The following TBC1D9 variants were observed in gnomAD, a reference collection of about 807,000 sequenced individuals.
TBC1D9 encodes TBC1 domain family member 9.
Under a neutral mutation model 132.0 loss-of-function variants are expected in TBC1D9, and 63 were observed. The ratio of observed to expected loss-of-function variants is 0.48; its 90% CI spans 0.39 to 0.59. The LOEUF (loss-of-function observed/expected upper bound fraction) is 0.59. Among genes scored for constraint, TBC1D9 ranks in the 20% least tolerant of loss-of-function variants. The probability of loss-of-function intolerance (pLI) is 0.00; values close to 1 mark genes in which losing one functional copy is unlikely to be tolerated. For synonymous variants in TBC1D9, 610 were observed against 609.9 expected, an observed-to-expected ratio of 1.00 and a Z score of 0.00; for missense variants, 1,261 against 1,592.7, an observed-to-expected ratio of 0.79 and a Z score of 3.54.
At chr4:140,685,622 C>A (rs1217277707) in intron 3 of TBC1D9, among the ~76,000 whole-genome samples, 1 of 152,014 alleles carries the variant, frequency 6.6e-6, no homozygotes. Context: ...CTATAAAGGG[C>A]ATTAAGTCGG....
In TBC1D9 at chr4:140,687,321, A is replaced by G. The variant is rs868234233; in HGVS notation, c.242-859T>C. ...ATATATATGTGTGCCATATATATAT[A>G]TGTGTGTGTGTGTGTGTGTGTCATA... On this transcript the variant is annotated intron_variant, in intron 2 of 20. Transcript: ENST00000442267. 5.3e-3 allele frequency among the ~76,000 whole-genome samples: 515 copies of G among 97,430 alleles called. 11 individuals are homozygous for G. Among genetic ancestry groups the G allele is most frequent in the African/African-American group, 9.7e-3 (256 of 26,364 alleles). The allele number at this position is 97,430 out of a possible 152,430, so 63.9% of individuals were successfully genotyped here.
At position 140,622,574 on chromosome 4, in the gene TBC1D9, C is replaced by T. The variant is rs1321417368; in HGVS notation, c.3422G>A (p.Arg1141Gln). ...CATGGAGGAGCAGGCCCCGTTGTCCCGGGGCGAGGAGTCCTCCAGCTTGAT... is the reference window on the plus strand; with the variant it reads ...CATGGAGGAGCAGGCCCCGTTGTCCTGGGGCGAGGAGTCCTCCAGCTTGAT... ...EDIKLEDSSPRDNGACSSMLI... is the reference protein window; with the variant it reads ...EDIKLEDSSPQDNGACSSMLI... Residue 1141 changes from arginine (R) to glutamine (Q), a missense_variant, in exon 21 of 21, where the codon CGG becomes CAG. Around this residue, in one of 3 missense-constraint regions of TBC1D9, gnomAD observed 618 missense variants for 724.4 expected, o/e 0.85. Transcript: ENST00000442267. 8 of 1,613,880 alleles carry T rather than the reference C, an allele frequency of 5.0e-6. No homozygotes were observed. The highest frequency in any genetic ancestry group is 4.5e-5 in the East Asian group (2 of 44,894).
Position 140,755,947 on chromosome 4 carries a change from G to A in TBC1D9, c.99C>T (p.Ala33=), listed in dbSNP as rs1370776240. 1.3e-6 allele frequency: 2 copies of A among 1,593,036 alleles called. No homozygotes were observed. The highest frequency in any genetic ancestry group is 2.3e-5 in the East Asian group (1 of 43,644). Residue 33 remains alanine, a synonymous_variant, in exon 1 of 21, where the codon GCC becomes GCT. Transcript: ENST00000442267. ...GTCCGCCGCCGCCGCCTCCATCGCC[G>A]GCGTGGCCCTTCCTCCGCTGCAGGA... ...YFILQRRKGH[A]GDGGGGGGLA...
intron 1 of TBC1D9, among the ~76,000 whole-genome samples, chr4:140,711,349 T>C (rs539841494): frequency 3.9e-4 from 59 of 152,304 alleles, no homozygotes; most frequent in African/African-American, 1.3e-3. Context: ...GGGGCCTTTT[T>C]GGTGTGGTAG....
At chr4:140,640,739 A>G (rs938805316) in intron 13 of TBC1D9, among the ~76,000 whole-genome samples, 3 of 152,120 alleles carry the variant, frequency 2.0e-5, no homozygotes, top group African/African-American at 4.8e-5. Context: ...GTTGGTAAAG[A>G]TATAGTGCAA....
At chr4:140,747,438 G>T (rs187657596) in intron 1 of TBC1D9, among the ~76,000 whole-genome samples, 5 of 152,102 alleles carry the variant, frequency 3.3e-5, no homozygotes, top group Admixed American at 2.6e-4. Flanking sequence ...TCTCTTTAAG[G>T]CCTTAGTTTC....
At chr4:140,720,122 G>C (rs979523703) in intron 1 of TBC1D9, among the ~76,000 whole-genome samples, 3 of 152,192 alleles carry the variant, frequency 2.0e-5, no homozygotes, top group Admixed American at 1.3e-4. Context: ...TACCGATTGC[G>C]GTGGCTGAAG....
intron 1 of TBC1D9, among the ~76,000 whole-genome samples, chr4:140,745,211 G>A (rs2111082023): frequency 6.6e-6 from 1 of 152,278 alleles, no homozygotes; most frequent in Admixed American, 6.5e-5. Context: ...CATGTTCTCA[G>A]GACCTCTTGA....
Position 140,656,558 on chromosome 4 carries a change from C to T in TBC1D9, c.2337+539G>A, listed in dbSNP as rs973919207. ...GTACTGCACAAAGCCCTCTCCAGCACACAGCACAAGAACCATCCTATAAAA... is the reference window on the plus strand; with the variant it reads ...GTACTGCACAAAGCCCTCTCCAGCATACAGCACAAGAACCATCCTATAAAA... On this transcript the variant is annotated intron_variant, in intron 13 of 20. Coordinates refer to ENST00000442267, the MANE Select transcript of TBC1D9 (RefSeq NM_015130.3). Among the ~76,000 whole-genome samples the T allele has an allele frequency of 3.3e-5, 5 of 152,162 alleles. No homozygotes were observed. The East Asian group carries it at 7.7e-4, about 23-fold the overall frequency.
chr4:140,731,988 C>T (rs1316618447), intron 1 of TBC1D9, among the ~76,000 whole-genome samples: 1 of 152,096 alleles, frequency 6.6e-6, no homozygotes, highest in Admixed American at 6.6e-5. Context: ...CCCAGCCCTG[C>T]GTGGAAGCCT....
At chr4:140,660,954 G>A (rs146785395) in intron 10 of TBC1D9, among the ~76,000 whole-genome samples, 1,684 of 151,190 alleles carry the variant, frequency 0.011, 27 homozygotes, top group African/African-American at 0.032. Flanking sequence ...TTGCTCTGTC[G>A]CCCAGGCTGG....
Position 140,657,663 on chromosome 4 carries a change from C to T in TBC1D9, c.2071G>A (p.Ala691Thr). The T allele has an allele frequency of 6.2e-7, 1 of 1,613,974 alleles. No homozygotes were observed. Among genetic ancestry groups the T allele is most frequent in the East Asian group, 2.2e-5 (1 of 44,888 alleles). Residue 691 changes from alanine to threonine, a missense_variant, in exon 12 of 21, where the codon GCA becomes ACA. Physicochemically the swap from Ala to Thr is moderately conservative, Grantham distance 58. Transcript: ENST00000442267. ...AAGAAACAGTCAACAACCACAACTG[C>T]ACTCTCAAAAGGCATCACACTGAGA... ...LFLSVMPFES[A>T]VVVVDCFFYE...
At chr4:140,731,256 GAAGAGA>G (rs1311859702) in intron 1 of TBC1D9, among the ~76,000 whole-genome samples, 1 of 152,166 alleles carries the variant, frequency 6.6e-6, no homozygotes, top group East Asian at 1.9e-4. Flanking sequence ...TGTTGGTCAA[GAAGAGA>G]GCATGTGTAA....
chr4:140,642,049 G>T (rs937788927), intron 13 of TBC1D9: 3 of 676,200 alleles, frequency 4.4e-6, no homozygotes, highest in Non-Finnish European at 8.1e-6. Context: ...CCTGCTGGTG[G>T]CTGGCTTAGG....
chr4:140,703,217 C>G lies in TBC1D9; in HGVS notation c.131-1603G>C, dbSNP rs548301779. ...TTGCAACTGTTGATACTGAAAGCAGCAAAGCTCAGTGCCATATTGCAGGCT... is the reference window on the plus strand; with the variant it reads ...TTGCAACTGTTGATACTGAAAGCAGGAAAGCTCAGTGCCATATTGCAGGCT... On this transcript the variant is annotated intron_variant, in intron 1 of 20. Transcript: ENST00000442267. Among the ~76,000 whole-genome samples the G allele has an allele frequency of 1.7e-4, 26 of 152,328 alleles. No homozygotes were observed. The South Asian group carries it at 3.7e-3, about 22-fold the overall frequency.
At chr4:140,692,059 A>T (rs911961165) in intron 2 of TBC1D9, among the ~76,000 whole-genome samples, 2 of 152,216 alleles carry the variant, frequency 1.3e-5, no homozygotes, top group African/African-American at 4.8e-5. Flanking sequence ...GGAATAATAC[A>T]TTTTGTTTCT....
chr4:140,648,321 C>G (rs965181929), intron 13 of TBC1D9, among the ~76,000 whole-genome samples: 1 of 151,662 alleles, frequency 6.6e-6, no homozygotes, highest in African/African-American at 2.4e-5. Context: ...GTTTCTGTGG[C>G]CTGTTTCTAA....
Position 140,706,435 on chromosome 4 carries a change from A to G in TBC1D9, c.131-4821T>C, listed in dbSNP as rs1163456011. On this transcript the variant is annotated intron_variant, in intron 1 of 20. Transcript: ENST00000442267. This position sits in a 1 kb window ranked among gnomAD's most constrained non-coding sequence, Gnocchi z 4.0. ...GTATCTACCCTAGAAAGTGCTTAGTATGCACTAAGCACTATTGTGTAATGA... is the reference window on the plus strand; with the variant it reads ...GTATCTACCCTAGAAAGTGCTTAGTGTGCACTAAGCACTATTGTGTAATGA... Among the ~76,000 whole-genome samples, 1 of 152,182 alleles carries G rather than the reference A, an allele frequency of 6.6e-6. No homozygotes were observed. The highest frequency in any genetic ancestry group is 2.4e-5 in the African/African-American group (1 of 41,460).
rs1452511525 is a variant in TBC1D9, at chr4:140,755,980, T to C, written c.66A>G (p.Pro22=). Residue 22 remains proline, a synonymous_variant, in exon 1 of 21, where the codon CCA becomes CCG. Transcript: ENST00000442267. The stretch of plus-strand genomic sequence containing the variant: ...CCTTCCTCCGCTGCAGGATGAAGTA[T>C]GGGTTGGCCCTCTCGGTGATCCACA... ...NALWITERAN[P]YFILQRRKGH... is the part of the protein sequence containing the mutation. 3.1e-6 allele frequency: 5 copies of C among 1,607,746 alleles called. No homozygotes were observed. Among genetic ancestry groups the C allele is most frequent in the Admixed American group, 1.7e-5 (1 of 59,624 alleles).
Sources: allele counts gnomAD v4.1 joint callset (sites outside exome capture counted in the v4.1 genomes callset), GRCh38; gene constraint gnomAD v4.1.1; regional missense constraint gnomAD v4.1.1; non-coding constraint Gnocchi (gnomAD v3.1); transcripts MANE v1.5; gene names NCBI Gene and HGNC (gene_info 2026-07-23, HGNC 2026-07-21).